Variants in SEMA3E observed in about 807,000 individuals in gnomAD.
SEMA3E encodes the protein semaphorin-3E.
Under a neutral mutation model 93.6 loss-of-function variants are expected in SEMA3E, and 49 were observed. That is an observed-to-expected ratio of 0.52 (90% CI 0.42 to 0.66). The LOEUF is 0.66. SEMA3E is among the 30% of genes least tolerant of loss of function. The pLI is 0.00. For synonymous variants in SEMA3E, 363 were observed against 330.7 expected (o/e 1.10, Z -1.06); for missense variants, 906 against 964.8 (o/e 0.94, Z 0.81).
intron 2 of SEMA3E, among the ~76,000 whole-genome samples, chr7:83,473,811 A>G (rs1789952175): frequency 6.6e-6 from 1 of 151,054 alleles, no homozygotes; most frequent in Non-Finnish European, 1.5e-5. Context: ...CAGCTTTTTT[A>G]GGACAGGTGA....
chr7:83,612,226 A>G (rs1793280793), intron 1 of SEMA3E, among the ~76,000 whole-genome samples: 1 of 152,140 alleles, frequency 6.6e-6, no homozygotes, highest in African/African-American at 2.4e-5. Context: ...CTCAACCAAT[A>G]GAATATATAA....
rs1350582503 is a variant in SEMA3E at position 83,648,897 on chromosome 7, A to AG, written c.-356_-355insC. Reference sequence around the variant, plus strand: ...TGTTCATTCAGAAAAAAAAAAAAAAAAGAGAGAAAAAAACAAAACCGAGCA... The same window carrying AG: ...TGTTCATTCAGAAAAAAAAAAAAAAAGAGAGAGAAAAAAACAAAACCGAGCA... On this transcript the variant is annotated 5_prime_UTR_variant, in exon 1 of 17. Coordinates refer to ENST00000643230, the MANE Select transcript of SEMA3E (RefSeq NM_012431.3). 276 of 185,086 alleles carry AG rather than the reference A, an allele frequency of 1.5e-3. No homozygotes were observed. The highest frequency in any genetic ancestry group is 6.8e-3 in the African/African-American group (175 of 25,838). 11.5% of individuals were successfully genotyped at this position (185,086 alleles called of 1,614,324 possible). A position where few individuals can be genotyped will look rare whatever the true frequency, so the allele number is the denominator to read the frequency against.
chr7:83,465,247 C>A (rs1789727412), intron 4 of SEMA3E, among the ~76,000 whole-genome samples: 1 of 151,982 alleles, frequency 6.6e-6, no homozygotes, highest in Non-Finnish European at 1.5e-5. Context: ...CTACCCAAAT[C>A]CTGTAAAACG....
chr7:83,377,012 T>G (rs1157392712), intron 16 of SEMA3E, among the ~76,000 whole-genome samples: 1 of 152,040 alleles, frequency 6.6e-6, no homozygotes, highest in Non-Finnish European at 1.5e-5. Context: ...GATGATATTT[T>G]ATGTGTCTTG....
At chr7:83,610,062 T>A (rs1253026024) in intron 1 of SEMA3E, among the ~76,000 whole-genome samples, 3 of 151,992 alleles carry the variant, frequency 2.0e-5, no homozygotes, top group Admixed American at 6.6e-5. Context: ...ACAAAGAAAT[T>A]GTGAAAACAA....
intron 1 of SEMA3E, among the ~76,000 whole-genome samples, chr7:83,605,540 C>T (rs1174179924): frequency 6.6e-6 from 1 of 151,896 alleles, no homozygotes; most frequent in African/African-American, 2.4e-5. Flanking sequence ...AAGCGATTAT[C>T]CTGCCTCAGC....
chr7:83,412,975 G>A (rs1190083910), intron 5 of SEMA3E, among the ~76,000 whole-genome samples: 1 of 151,924 alleles, frequency 6.6e-6, no homozygotes, highest in African/African-American at 2.4e-5. Context: ...TCAGCCCAAA[G>A]GACATTATAT....
Position 83,490,206 on chromosome 7 carries a change from G to A in SEMA3E, c.184C>T (p.Leu62=). 1 of 1,612,946 alleles carries A rather than the reference G, an allele frequency of 6.2e-7. No individual in the cohort carries two copies. The highest frequency in any genetic ancestry group is 1.1e-5 in the South Asian group (1 of 91,054). ...AGCCTCTCTTGATATTCATCCAGCAGCATTGTATGGAGATCAAGAAATCCA... is the reference window on the plus strand; with the variant it reads ...AGCCTCTCTTGATATTCATCCAGCAACATTGTATGGAGATCAAGAAATCCA... ...PFGFLDLHTM[L]LDEYQERLFV... The change falls in exon 2 of 17, where the codon CTG becomes TTG. Residue 62 remains leucine, a synonymous_variant. Transcript: ENST00000643230.
intron 1 of SEMA3E, among the ~76,000 whole-genome samples, chr7:83,496,647 T>C (rs1346869804): frequency 1.3e-5 from 2 of 152,062 alleles, no homozygotes; most frequent in African/African-American, 4.8e-5. Context: ...CTGAAGGCAA[T>C]ATAAAGGCAA....
In SEMA3E at chr7:83,423,131, A is replaced by T. The variant is rs73172309; in HGVS notation, c.457-4648T>A. On this transcript the variant is annotated intron_variant, in intron 4 of 16. Coordinates refer to ENST00000643230, the MANE Select transcript of SEMA3E (RefSeq NM_012431.3). ...AACCTGCCATGCTAACATTTTGAAA[A>T]CAATCAAATGGCACCCAGAATCATC... Among the ~76,000 whole-genome samples the T allele has an allele frequency of 6.8e-3, 1,039 of 152,336 alleles. 7 individuals are homozygous for T. Among genetic ancestry groups the T allele is most frequent in the South Asian group, 0.015 (73 of 4,824 alleles).
chr7:83,437,381 G>A (rs529700232), intron 4 of SEMA3E, among the ~76,000 whole-genome samples: 1 of 151,952 alleles, frequency 6.6e-6, no homozygotes, highest in African/African-American at 2.4e-5. Flanking sequence ...ACCTTTGTGG[G>A]AAATGCCATT....
intron 1 of SEMA3E, among the ~76,000 whole-genome samples, chr7:83,497,872 A>G (rs1003885475): frequency 1.3e-5 from 2 of 152,202 alleles, no homozygotes; most frequent in African/African-American, 4.8e-5. Context: ...GAGTTCAGAT[A>G]TACATAGGAA....
At chr7:83,641,858 G>C (rs1794015954) in intron 1 of SEMA3E, among the ~76,000 whole-genome samples, 1 of 152,120 alleles carries the variant, frequency 6.6e-6, no homozygotes, top group African/African-American at 2.4e-5. Flanking sequence ...AGCTTCCTAA[G>C]GGTTAAGTAT....
chr7:83,461,891 G>A (rs577762732), intron 4 of SEMA3E, among the ~76,000 whole-genome samples: 19 of 152,268 alleles, frequency 1.2e-4, no homozygotes, highest in African/African-American at 3.9e-4. Context: ...CTGAACCGCA[G>A]CAGCCAGGCG....
rs146412050 is a variant in SEMA3E at position 83,612,026 on chromosome 7, A to G, written c.115+36402T>C. Reference sequence around the variant, plus strand: ...ATTCACAGAAGGTATTCTAATGTCAATGCCTTTGCACCAGTCAGTCTCTCT... The same window carrying G: ...ATTCACAGAAGGTATTCTAATGTCAGTGCCTTTGCACCAGTCAGTCTCTCT... On this transcript the variant is annotated intron_variant, in intron 1 of 16. Transcript: ENST00000643230. Among the ~76,000 whole-genome samples, 427 of 152,222 alleles carry G rather than the reference A, an allele frequency of 2.8e-3. 17 individuals are homozygous for G. In the East Asian group the frequency reaches 0.068, roughly 24 times the overall value.
intron 1 of SEMA3E, among the ~76,000 whole-genome samples, chr7:83,601,348 A>G (rs544929536): frequency 6.6e-6 from 1 of 152,340 alleles, no homozygotes; most frequent in African/African-American, 2.4e-5. Context: ...GTAGCAGTCA[A>G]TGAAAACCAC....
At chr7:83,411,679 T>C (rs1439343349) in intron 5 of SEMA3E, among the ~76,000 whole-genome samples, 1 of 152,084 alleles carries the variant, frequency 6.6e-6, no homozygotes, top group Non-Finnish European at 1.5e-5. Context: ...AAATACATAG[T>C]CTCTAATTAA....
At chr7:83,497,938 G>A (rs945496780) in intron 1 of SEMA3E, among the ~76,000 whole-genome samples, 1 of 152,064 alleles carries the variant, frequency 6.6e-6, no homozygotes, top group Non-Finnish European at 1.5e-5. Flanking sequence ...ATAATTTTCA[G>A]ATTCCTTGTG....
intron 1 of SEMA3E, among the ~76,000 whole-genome samples, chr7:83,585,621 C>T (rs1055727422): frequency 6.6e-5 from 10 of 152,184 alleles, no homozygotes; most frequent in African/African-American, 2.2e-4. Context: ...ATTCTCTTAA[C>T]AATTTATATA....
Sources: allele counts gnomAD v4.1 joint callset (sites outside exome capture counted in the v4.1 genomes callset), GRCh38; gene constraint gnomAD v4.1.1; transcripts MANE v1.5; gene names NCBI Gene and HGNC (gene_info 2026-07-23, HGNC 2026-07-21).